The following RBFOX1 variants were observed in gnomAD, a reference collection of about 807,000 sequenced individuals.
RBFOX1 encodes the protein RNA binding fox-1 homolog 1.
Under a neutral mutation model 57.7 loss-of-function variants are expected in RBFOX1, and 8 were observed. The ratio of observed to expected loss-of-function variants is 0.14; its 90% CI spans 0.08 to 0.25. RBFOX1 has a LOEUF of 0.25. RBFOX1 is among the 10% of genes least tolerant of loss of function. RBFOX1 has a pLI of 1.00. For missense variants in RBFOX1, 611 were observed against 548.5 expected (o/e 1.11, Z -1.14); for synonymous variants, 326 against 222.4 (o/e 1.47, Z -4.15).
At position 7,021,300 on chromosome 16, in the gene RBFOX1, C is replaced by CTA. The variant is rs1411437550; in HGVS notation, c.-15-30756_-15-30755insAT. 4.0e-4 allele frequency among the ~76,000 whole-genome samples: 59 copies of CTA among 147,988 alleles called. 1 individual carries two copies. Among genetic ancestry groups the CTA allele is most frequent in the African/African-American group, 1.4e-3 (55 of 39,700 alleles). ...CTTGGTTTCATTTTATTTTCTCTCT[C>CTA]TCTCTATATATATATATTTACTTTT... On this transcript the variant is annotated intron_variant, in intron 3 of 15. Transcript: ENST00000550418.
chr16:5,720,406 G>A (rs2342724), intron 3 of RBFOX1, among the ~76,000 whole-genome samples: 85,860 of 152,110 alleles, frequency 0.56, 27,215 homozygotes, highest in Non-Finnish European at 0.73. Context: ...TAACTTTCCA[G>A]ATGTTGTTAT....
intron 3 of RBFOX1, among the ~76,000 whole-genome samples, chr16:5,606,488 A>C (rs2047584735): frequency 1.3e-5 from 2 of 148,554 alleles, no homozygotes; most frequent in African/African-American, 5.0e-5. Context: ...TCTCTCACTC[A>C]CCTCCTCTCT....
chr16:7,635,080 G>T (rs538207294), intron 11 of RBFOX1, among the ~76,000 whole-genome samples: 1 of 152,200 alleles, frequency 6.6e-6, no homozygotes. Context: ...GGTACTAGGT[G>T]TATTATTGCC....
At chr16:6,233,694 C>T (rs904220370) in intron 1 of RBFOX1, among the ~76,000 whole-genome samples, 2 of 152,138 alleles carry the variant, frequency 1.3e-5, no homozygotes, top group South Asian at 2.1e-4. Context: ...CTGCAGCCTC[C>T]ACCTCCTGGC....
At chr16:6,255,772 C>G (rs1039348568) in intron 1 of RBFOX1, among the ~76,000 whole-genome samples, 9 of 152,018 alleles carry the variant, frequency 5.9e-5, no homozygotes, top group Admixed American at 4.6e-4. Context: ...AACCGTCGTT[C>G]TCACCAACTA....
intron 4 of RBFOX1, among the ~76,000 whole-genome samples, chr16:7,149,502 T>TCC (rs1297545174): frequency 4.2e-4 from 24 of 56,948 alleles, no homozygotes; most frequent in Admixed American, 3.9e-3. Flanking sequence ...TTTTTTTTTT[T>TCC]CCCCGACAGG....
At chr16:5,404,371 A>G (rs943752267) in intron 1 of RBFOX1, among the ~76,000 whole-genome samples, 4 of 152,084 alleles carry the variant, frequency 2.6e-5, no homozygotes, top group African/African-American at 9.7e-5. Context: ...CAAATGATGA[A>G]TCCCCTGAAG....
chr16:5,748,439 T>C (rs1186434593), intron 3 of RBFOX1, among the ~76,000 whole-genome samples: 5 of 152,156 alleles, frequency 3.3e-5, no homozygotes, highest in Admixed American at 1.3e-4. Flanking sequence ...TTGTTAACTT[T>C]CGTCTCGTGG....
chr16:6,068,094 T>A (rs917693194), intron 1 of RBFOX1, among the ~76,000 whole-genome samples: 3 of 115,496 alleles, frequency 2.6e-5, no homozygotes, highest in Non-Finnish European at 5.7e-5. Context: ...AGGCTCTTCA[T>A]TCATTTTTTT....
chr16:7,047,499 T>C (rs1259996385), intron 3 of RBFOX1, among the ~76,000 whole-genome samples: 1 of 152,144 alleles, frequency 6.6e-6, no homozygotes, highest in African/African-American at 2.4e-5. Flanking sequence ...ATTTTAGGCT[T>C]TACCAATATG....
At chr16:6,737,254 C>T (rs60912665) in intron 3 of RBFOX1, among the ~76,000 whole-genome samples, 14,756 of 152,168 alleles carry the variant, frequency 0.097, 948 homozygotes, top group African/African-American at 0.17. Context: ...TTTTGCATTT[C>T]CCCGTATTTC....
At chr16:5,822,045 A>T (rs1038303523) in intron 3 of RBFOX1, among the ~76,000 whole-genome samples, 2 of 152,258 alleles carry the variant, frequency 1.3e-5, no homozygotes, top group African/African-American at 4.8e-5. Context: ...TTAGCAAATT[A>T]AAAAGAAGTT....
intron 4 of RBFOX1, among the ~76,000 whole-genome samples, chr16:7,336,691 G>A (rs2096794752): frequency 6.6e-6 from 1 of 152,208 alleles, no homozygotes; most frequent in South Asian, 2.1e-4. Flanking sequence ...CAGGCTCTGT[G>A]CTAAACACTT....
Position 5,392,778 on chromosome 16 carries a change from C to G in RBFOX1, c.220-74438C>G, listed in dbSNP as rs766124103. Among the ~76,000 whole-genome samples, 317 of 152,216 alleles carry G rather than the reference C, an allele frequency of 2.1e-3. 5 individuals carry two copies. Among genetic ancestry groups the G allele is most frequent in the Non-Finnish European group, 5.3e-4 (36 of 68,002 alleles). Reference sequence around the variant, plus strand: ...AAGTAAAGCCTGCCCTCTGCCATCCCTGGGTCTGTTGTACACTCGCCCCTG... The same window carrying G: ...AAGTAAAGCCTGCCCTCTGCCATCCGTGGGTCTGTTGTACACTCGCCCCTG... On this transcript the variant is annotated intron_variant, in intron 1 of 2. Transcript: ENST00000585867.
At chr16:6,968,513 G>A (rs889231119) in intron 3 of RBFOX1, among the ~76,000 whole-genome samples, 6 of 152,110 alleles carry the variant, frequency 3.9e-5, no homozygotes, top group Non-Finnish European at 7.3e-5. Context: ...TCCCATAGCC[G>A]TTTCCTGAGA....
At chr16:6,876,261 A>T (rs535388751) in intron 3 of RBFOX1, among the ~76,000 whole-genome samples, 2 of 152,146 alleles carry the variant, frequency 1.3e-5, no homozygotes, top group Non-Finnish European at 1.5e-5. Context: ...CAGTCTTTCT[A>T]TTCTTGGGAA....
chr16:6,263,252 AG>A (rs2097712568), intron 1 of RBFOX1, among the ~76,000 whole-genome samples: 1 of 152,182 alleles, frequency 6.6e-6, no homozygotes, highest in South Asian at 2.1e-4. Flanking sequence ...TTTGTGTAGA[AG>A]TTCTTAGTCA....
chr16:5,423,157 A>T (rs1313801351), intron 1 of RBFOX1, among the ~76,000 whole-genome samples: 1 of 151,976 alleles, frequency 6.6e-6, no homozygotes, highest in Non-Finnish European at 1.5e-5. Flanking sequence ...TGAAATAATT[A>T]TGGACTCAAG....
At chr16:6,968,138 G>A (rs893824962) in intron 3 of RBFOX1, among the ~76,000 whole-genome samples, 3 of 152,096 alleles carry the variant, frequency 2.0e-5, no homozygotes, top group African/African-American at 4.8e-5. Context: ...AGACACCACC[G>A]CTAGACTCGG....
Sources: gnomAD v4.1 joint callset for allele counts (sites outside exome capture counted in the v4.1 genomes callset) on GRCh38, gnomAD v4.1.1 for gene constraint, MANE v1.5 for transcripts, NCBI Gene and HGNC (gene_info 2026-07-23, HGNC 2026-07-21) for gene names.